The following MTERF2 variants were observed in gnomAD, a reference collection of about 807,000 sequenced individuals.
MTERF2 encodes the protein mitochondrial transcription termination factor 2, also known as transcription termination factor 2, mitochondrial.
MTERF2 carries 23 observed loss-of-function variants against 29.2 expected under a neutral mutation model. The observed-to-expected ratio is 0.79, with a 90% confidence interval of 0.57 to 1.12. The LOEUF is 1.12. MTERF2 is among the 50% of genes most tolerant of loss of function. The pLI, the probability that MTERF2 is intolerant of heterozygous loss-of-function variation, is 0.00. For missense variants in MTERF2, 440 were observed against 429.4 expected (o/e 1.02, Z -0.22); for synonymous variants, 157 against 159.5 (o/e 0.98, Z 0.12).
At position 106,978,171 on chromosome 12, in the gene MTERF2, C is replaced by G. The variant is rs1384879266; in HGVS notation, c.544G>C (p.Glu182Gln). 8 of 1,613,912 alleles carry G rather than the reference C, an allele frequency of 5.0e-6. No homozygotes were observed. In the African/African-American group the frequency reaches 1.1e-4, roughly 22 times the overall value. The stretch of plus-strand genomic sequence containing the variant: ...ATTCTTACCATTTGCTTATTCTTCT[C>G]AACAGGATTATGAAAAACATTAGGT... ...AAPNVFHNPVEKNKQMVRILQ... is the reference protein window; with the variant it reads ...AAPNVFHNPVQKNKQMVRILQ... Residue 182 changes from glutamate to glutamine, a missense_variant, in exon 3 of 3, where the codon GAG becomes CAG. By Grantham distance (29) the Glu-to-Gln change is conservative (BLOSUM62 2). Coordinates refer to ENST00000240050, the MANE Select transcript of MTERF2 (RefSeq NM_001033050.3).
At chr12:106,981,225 C>T (rs971925623) in intron 2 of MTERF2, among the ~76,000 whole-genome samples, 1 of 152,142 alleles carries the variant, frequency 6.6e-6, no homozygotes, top group Non-Finnish European at 1.5e-5. Flanking sequence ...TATGGGGCAC[C>T]CTTGGGTAAG....
In MTERF2 at chr12:106,977,502, T is replaced by C; in HGVS notation, c.*55A>G. The C allele has an allele frequency of 6.6e-7, 1 of 1,514,694 alleles. No homozygotes were observed. Among genetic ancestry groups the C allele is most frequent in the Non-Finnish European group, 8.8e-7 (1 of 1,131,650 alleles). The allele number at this position is 1,514,694 out of a possible 1,614,324, so 93.8% of individuals were successfully genotyped here. A position where few individuals can be genotyped will look rare whatever the true frequency, so the allele number is the denominator to read the frequency against. On this transcript the variant is annotated 3_prime_UTR_variant, in exon 3 of 3. Transcript: ENST00000240050. ...TCTACAAACTGCCTGAATTTTTGTC[T>C]TTGCTAGTTAGTTTCACCCTGCACT...
At chr12:106,983,485 A>G (rs1252970532) in intron 2 of MTERF2, among the ~76,000 whole-genome samples, 1 of 152,250 alleles carries the variant, frequency 6.6e-6, no homozygotes, top group Non-Finnish European at 1.5e-5. Flanking sequence ...GTTAGAACAA[A>G]GCAGTTAATT....
At chr12:106,980,694 T>C (rs1272182392) in intron 2 of MTERF2, 3 of 152,160 alleles carry the variant, frequency 2.0e-5, no homozygotes, top group African/African-American at 7.2e-5. Context: ...GTTGGCAGCC[T>C]TCCCTCACTC....
Position 106,978,567 on chromosome 12 carries a change from C to T in MTERF2, c.148G>A (p.Glu50Lys). 1 of 1,614,166 alleles carries T rather than the reference C, an allele frequency of 6.2e-7. No homozygotes were observed. The highest frequency in any genetic ancestry group is 1.3e-5 in the African/African-American group (1 of 75,028). Residue 50 changes from glutamate to lysine, a missense_variant, in exon 3 of 3, where the codon GAA becomes AAA. By Grantham distance (56) the Glu-to-Lys change is moderately conservative. Coordinates refer to ENST00000240050, the MANE Select transcript of MTERF2 (RefSeq NM_001033050.3). The part of the protein sequence containing the change: ...QSSKENTRTV[E>K]KLYKCSVDIR... ...TCAACTGAACATTTATAGAGCTTTT[C>T]CACTGTTCTTGTATTTTCTTTGCTC... is the stretch of plus-strand genomic sequence containing the variant.
In MTERF2 at chr12:106,977,766, T is replaced by C. The variant is rs763451551; in HGVS notation, c.949A>G (p.Arg317Gly). 6.2e-7 allele frequency: 1 copy of C among 1,614,024 alleles called. No homozygotes were observed. The stretch of plus-strand genomic sequence containing the variant: ...AATTCAAGAACCATTGGCGTCTCTC[T>C]TATCTGAGCTATGGAAATTCCTTCT... Reference protein sequence around the residue: ...LREGISIAQIRETPMVLELTP... With the variant: ...LREGISIAQIGETPMVLELTP... Residue 317 changes from arginine to glycine, a missense_variant, in exon 3 of 3, where the codon AGA (arginine) becomes GGA (glycine). By Grantham distance (125) the Arg-to-Gly change is moderately radical. Transcript: ENST00000240050.
chr12:106,977,792 C>A lies in MTERF2; in HGVS notation c.923G>T (p.Arg308Ile). Residue 308 changes from arginine (R) to isoleucine (I), a missense_variant, in exon 3 of 3, where the codon AGA (arginine) becomes ATA (isoleucine). By Grantham distance (97) the Arg-to-Ile change is moderately conservative. Coordinates refer to ENST00000240050, the MANE Select transcript of MTERF2 (RefSeq NM_001033050.3). ...TATCTGAGCTATGGAAATTCCTTCT[C>A]TCAATAATCCTTGCATTCTCTCTTC... The part of the protein sequence containing the change: ...VLEERMQGLL[R>I]EGISIAQIRE... 6.2e-7 allele frequency: 1 copy of A among 1,613,966 alleles called. No homozygotes were observed. Among genetic ancestry groups the A allele is most frequent in the South Asian group, 1.1e-5 (1 of 91,072 alleles).
At chr12:106,984,012 TCCTATCTGTACAAAGAAAGGA>T (rs1952081804) in intron 2 of MTERF2, among the ~76,000 whole-genome samples, 2 of 152,138 alleles carry the variant, frequency 1.3e-5, no homozygotes, top group African/African-American at 4.8e-5. Context: ...TGCCCTTGCC[TCCTATCTGTACAAAGAAAGGA>T]GAGCAGCTCC....
intron 2 of MTERF2, among the ~76,000 whole-genome samples, chr12:106,982,413 G>A (rs978596091): frequency 5.9e-5 from 9 of 152,198 alleles, no homozygotes; most frequent in East Asian, 1.9e-4. Flanking sequence ...CAGATGAGTC[G>A]TCTTTACTAG....
rs1249106597 is a variant in MTERF2, at chr12:106,977,793, T to C, written c.922A>G (p.Arg308Gly). Residue 308 changes from arginine to glycine, a missense_variant, in exon 3 of 3, where the codon AGA becomes GGA. By Grantham distance (125) the Arg-to-Gly change is moderately radical. Transcript: ENST00000240050. ...ATCTGAGCTATGGAAATTCCTTCTC[T>C]CAATAATCCTTGCATTCTCTCTTCT... is the stretch of plus-strand genomic sequence containing the variant. ...VLEERMQGLL[R>G]EGISIAQIRE... 6.2e-7 allele frequency: 1 copy of C among 1,613,982 alleles called. No individual in the cohort carries two copies. The highest frequency in any genetic ancestry group is 1.7e-5 in the Admixed American group (1 of 60,020).
At chr12:106,984,392 A>T (rs1952087033) in intron 2 of MTERF2, among the ~76,000 whole-genome samples, 1 of 152,112 alleles carries the variant, frequency 6.6e-6, no homozygotes. Context: ...GATAACTTTC[A>T]TGTGGTTACA....
chr12:106,978,232 T>C lies in MTERF2; in HGVS notation c.483A>G (p.Leu161=). Residue 161 remains leucine, a synonymous_variant, in exon 3 of 3, where the codon CTA becomes CTG. Transcript: ENST00000240050. Reference sequence around the variant, plus strand: ...AAAGTCTGCTAATGACCACATTTTTTAGTCCCAACTCTTGAAAGAACTGAA... The same window carrying C: ...AAAGTCTGCTAATGACCACATTTTTCAGTCCCAACTCTTGAAAGAACTGAA... ...LNVQFFQELG[L]KNVVISRLLT... is the part of the protein sequence containing the mutation. 6.2e-7 allele frequency: 1 copy of C among 1,613,838 alleles called. No individual in the cohort carries two copies. Among genetic ancestry groups the C allele is most frequent in the Non-Finnish European group, 8.5e-7 (1 of 1,179,986 alleles).
chr12:106,978,313 C>T lies in MTERF2; in HGVS notation c.402G>A (p.Glu134=). 6.2e-7 allele frequency: 1 copy of T among 1,614,142 alleles called. No individual in the cohort carries two copies. Among genetic ancestry groups the T allele is most frequent in the Non-Finnish European group, 8.5e-7 (1 of 1,180,018 alleles). Reference sequence around the variant, plus strand: ...TAGTAAAGAAAGATTCTGGAAACTGCTCTATTAACTTGATTAACTCTTCCT... The same window carrying T: ...TAGTAAAGAAAGATTCTGGAAACTGTTCTATTAACTTGATTAACTCTTCCT... ...KNEEELIKLI[E]QFPESFFTIK... Residue 134 remains glutamate (E), a synonymous_variant, in exon 3 of 3, where the codon GAG becomes GAA. Coordinates refer to ENST00000240050, the MANE Select transcript of MTERF2 (RefSeq NM_001033050.3).
Position 106,985,205 on chromosome 12 carries a change from T to C in MTERF2, c.-148A>G, listed in dbSNP as rs894733463. 1.3e-5 allele frequency: 2 copies of C among 152,272 alleles called. No individual in the cohort carries two copies. The highest frequency in any genetic ancestry group is 2.9e-5 in the Non-Finnish European group (2 of 68,054). 9.4% of individuals were successfully genotyped at this position (152,272 alleles called of 1,614,324 possible). ...TCCAACTTCTTCTCAAAATGTGATCTTGTCAGTTCCCTGCAATAAACTTGC... is the reference window on the plus strand; with the variant it reads ...TCCAACTTCTTCTCAAAATGTGATCCTGTCAGTTCCCTGCAATAAACTTGC... On this transcript the variant is annotated 5_prime_UTR_variant, in exon 2 of 3. Transcript: ENST00000240050.
rs1313947605 is a variant in MTERF2, at chr12:106,986,987, A to T, written c.-187T>A. ...GACTCACCCGTCGGCGTCAGCTCCA[A>T]GCAAGGCACAGGGAGTCCCGGGGGC... On this transcript the variant is annotated 5_prime_UTR_variant, in exon 1 of 3. The change creates a new upstream start codon in the 5' untranslated region. Transcript: ENST00000240050. 4 of 152,330 alleles carry T rather than the reference A, an allele frequency of 2.6e-5. No individual in the cohort carries two copies. Among genetic ancestry groups the T allele is most frequent in the African/African-American group, 9.6e-5 (4 of 41,460 alleles). The allele number at this position is 152,330 out of a possible 1,614,324, so 9.4% of individuals were successfully genotyped here. A position where few individuals can be genotyped will look rare whatever the true frequency, so the allele number is the denominator to read the frequency against.
At chr12:106,985,067 A>G (rs714359) in intron 2 of MTERF2, 48 bp downstream of exon 2, 117,215 of 152,148 alleles carry the variant, frequency 0.77, 45,441 homozygotes, top group East Asian at 0.99. Context: ...TCTGTCTCCC[A>G]TACAAGCTCA....
In MTERF2 at chr12:106,977,839, T is replaced by C. The variant is rs919965551; in HGVS notation, c.876A>G (p.Leu292=). 5.6e-6 allele frequency: 9 copies of C among 1,613,812 alleles called. No homozygotes were observed. Among genetic ancestry groups the C allele is most frequent in the Non-Finnish European group, 7.6e-6 (9 of 1,179,994 alleles). ...CTTCTAAAACTGGAACAGAATAATA[T>C]AAAAGGGCAGGACATTTCAAAACTA... ...KQLVLKCPAL[L]YYSVPVLEER... is the part of the protein sequence containing the mutation. The change falls in exon 3 of 3, where the codon TTA becomes TTG. Residue 292 remains leucine, a synonymous_variant. Coordinates refer to ENST00000240050, the MANE Select transcript of MTERF2 (RefSeq NM_001033050.3).
chr12:106,985,730 C>T (rs1312435083), intron 1 of MTERF2: 1 of 152,288 alleles, frequency 6.6e-6, no homozygotes. Context: ...TGCTCTTCCA[C>T]AGCACCCTGC....
chr12:106,984,721 C>T (rs371535565), intron 2 of MTERF2, among the ~76,000 whole-genome samples: 279 of 152,296 alleles, frequency 1.8e-3, no homozygotes, highest in Middle Eastern at 0.01. Context: ...AAACCCCTTT[C>T]GCTTGGCTCT....
Sources: allele counts gnomAD v4.1 joint callset (sites outside exome capture counted in the v4.1 genomes callset), GRCh38; gene constraint gnomAD v4.1.1; transcripts MANE v1.5; gene names NCBI Gene and HGNC (gene_info 2026-07-23, HGNC 2026-07-21).